CSMD2: variants seen among roughly 807,000 people sequenced by gnomAD.
The protein encoded by CSMD2 is CUB and Sushi multiple domains 2, also known as CUB and sushi domain-containing protein 2.
Under a neutral mutation model 398.5 loss-of-function variants are expected in CSMD2, and 130 were observed. The ratio of observed to expected loss-of-function variants is 0.33; its 90% CI spans 0.28 to 0.38. The LOEUF (loss-of-function observed/expected upper bound fraction) is 0.38, where lower values mean the gene tolerates loss of function less well. CSMD2 is among the 10% of genes least tolerant of loss of function. CSMD2 has a pLI of 1.00. For missense variants in CSMD2, 3,829 were observed against 4,764.9 expected, an observed-to-expected ratio of 0.80 and a Z score of 5.78; for synonymous variants, 1,828 against 1,908.5, an observed-to-expected ratio of 0.96 and a Z score of 1.10.
chr1:34,141,622 C>T (rs575610996), intron 1 of CSMD2, among the ~76,000 whole-genome samples: 13 of 152,072 alleles, frequency 8.5e-5, no homozygotes, highest in East Asian at 1.9e-4. Context: ...AGCCACTGGC[C>T]GGAGCAGAGT....
intron 10 of CSMD2, among the ~76,000 whole-genome samples, chr1:33,799,018 C>T (rs534662970): frequency 2.6e-5 from 4 of 152,300 alleles, no homozygotes; most frequent in African/African-American, 7.2e-5. Flanking sequence ...CAACACTTTC[C>T]TAACTGGGCT....
intron 5 of CSMD2, chr1:33,864,421 A>C (rs1639803448): frequency 2.5e-6 from 4 of 1,613,458 alleles, no homozygotes; most frequent in Non-Finnish European, 3.4e-6. Context: ...GAAATGATGA[A>C]TTATGTTGGC....
chr1:33,780,663 G>C (rs1652627898), intron 12 of CSMD2, among the ~76,000 whole-genome samples: 1 of 152,184 alleles, frequency 6.6e-6, no homozygotes, highest in African/African-American at 2.4e-5. Context: ...TTTTAATGCG[G>C]CAGCATCCTC....
At chr1:33,880,431 T>G (rs1641157148) in intron 5 of CSMD2, among the ~76,000 whole-genome samples, 1 of 152,244 alleles carries the variant, frequency 6.6e-6, no homozygotes, top group Non-Finnish European at 1.5e-5. Context: ...TAATCAGAGA[T>G]TAAGAGATCT....
chr1:34,008,822 C>T (rs1647147462), intron 3 of CSMD2, among the ~76,000 whole-genome samples: 1 of 152,298 alleles, frequency 6.6e-6, no homozygotes, highest in East Asian at 1.9e-4. Context: ...ACTATATTCC[C>T]AGTGCCTCTC....
chr1:33,829,528 C>A (rs1224133012), intron 6 of CSMD2, among the ~76,000 whole-genome samples: 2 of 152,150 alleles, frequency 1.3e-5, no homozygotes, highest in Non-Finnish European at 2.9e-5. Flanking sequence ...TCTGGAGGAG[C>A]CAAGGTGGCC....
At chr1:33,853,626 A>G (rs1638866764) in intron 5 of CSMD2, among the ~76,000 whole-genome samples, 1 of 149,854 alleles carries the variant, frequency 6.7e-6, no homozygotes, top group African/African-American at 2.5e-5. Flanking sequence ...AGCTGATAGG[A>G]GCAGAAGTGC....
At chr1:33,655,470 G>T (rs540202665) in intron 27 of CSMD2, among the ~76,000 whole-genome samples, 1 of 152,258 alleles carries the variant, frequency 6.6e-6, no homozygotes, top group East Asian at 1.9e-4. Flanking sequence ...TATTTTACTG[G>T]TGAGGAAATT....
chr1:33,989,052 A>G (rs1182864129), intron 3 of CSMD2, among the ~76,000 whole-genome samples: 1 of 60,826 alleles, frequency 1.6e-5, no homozygotes. Context: ...ATATATATAT[A>G]TATATATATA....
intron 2 of CSMD2, among the ~76,000 whole-genome samples, chr1:34,044,669 G>A (rs1168797264): frequency 6.6e-6 from 1 of 152,100 alleles, no homozygotes; most frequent in Admixed American, 6.6e-5. Context: ...CCACTTCCGA[G>A]GGTGATCTAT....
At chr1:33,918,372 T>C in intron 4 of CSMD2, 71 bp from the exon 5 acceptor site, 2 of 1,154,532 alleles carry the variant, frequency 1.7e-6, no homozygotes, top group African/African-American at 1.5e-5. Flanking sequence ...CCATGGGCTA[T>C]ACCTGCAATA....
rs1638784314 is a variant in CSMD2 at position 34,136,670 on chromosome 1, C to T, written c.187+28241G>A. ...CCTTTAATAAAATTATCCAGTTCAGCCTTTATTACCATTTTTTGTCCAGCC... is the reference window on the plus strand; with the variant it reads ...CCTTTAATAAAATTATCCAGTTCAGTCTTTATTACCATTTTTTGTCCAGCC... On this transcript the variant is annotated intron_variant, in intron 1 of 70. Transcript: ENST00000373381. Among the ~76,000 whole-genome samples the T allele has an allele frequency of 2.0e-5, 3 of 152,168 alleles. No individual in the cohort carries two copies. The South Asian group carries it at 6.2e-4, about 32-fold the overall frequency.
At position 33,571,696 on chromosome 1, in the gene CSMD2, C is replaced by A; in HGVS notation, c.7793G>T (p.Ser2598Ile). The A allele has an allele frequency of 1.3e-6, 2 of 1,537,114 alleles. No individual in the cohort carries two copies. The highest frequency in any genetic ancestry group is 8.9e-7 in the Non-Finnish European group (1 of 1,129,400). Residue 2598 changes from serine (S) to isoleucine (I), a missense_variant, in exon 51 of 71, where the codon AGC (serine) becomes ATC (isoleucine). Physicochemically the swap from Ser to Ile is moderately radical, Grantham distance 142. This residue lies in a region of CSMD2 where 723 missense variants were observed against 758.6 expected (regional missense o/e 0.95). Coordinates refer to ENST00000373381, the MANE Select transcript of CSMD2 (RefSeq NM_001281956.2). The stretch of plus-strand genomic sequence containing the variant: ...AAGCCTCCATCGGCCATGCTCCACG[C>A]TGATGCTACTGACATCAGGACAAGT... ...PVTCPDVSSISVEHGRWRLIF... is the reference protein window; with the variant it reads ...PVTCPDVSSIIVEHGRWRLIF...
chr1:33,763,898 C>G (rs1650155908), intron 13 of CSMD2, among the ~76,000 whole-genome samples: 1 of 152,134 alleles, frequency 6.6e-6, no homozygotes, highest in Admixed American at 6.5e-5. Context: ...CCTGCTAACC[C>G]TTCTTCAATA....
chr1:33,672,552 CA>C (rs1644542500), intron 25 of CSMD2, among the ~76,000 whole-genome samples: 1 of 152,220 alleles, frequency 6.6e-6, no homozygotes, highest in Non-Finnish European at 1.5e-5. Context: ...CACAGACAAT[CA>C]AAAGGCGGCA....
chr1:33,622,417 C>A (rs910567434), intron 36 of CSMD2, 146 bp from the exon 37 acceptor site: 5 of 638,452 alleles, frequency 7.8e-6, no homozygotes, highest in East Asian at 2.8e-5. Flanking sequence ...CACTAAATGA[C>A]AAATTAGCAC....
At chr1:33,674,030 G>A (rs1382800296) in intron 25 of CSMD2, among the ~76,000 whole-genome samples, 5 of 152,160 alleles carry the variant, frequency 3.3e-5, no homozygotes, top group Non-Finnish European at 1.5e-5. Context: ...GACCATCAAG[G>A]CTAGGAAGAA....
intron 2 of CSMD2, among the ~76,000 whole-genome samples, chr1:34,051,670 C>T (rs902851271): frequency 2.0e-5 from 3 of 152,094 alleles, no homozygotes; most frequent in Non-Finnish European, 4.4e-5. Flanking sequence ...TTTGTCTCCT[C>T]CTCTGGTGAG....
chr1:34,135,795 A>G (rs1414046505), intron 1 of CSMD2, among the ~76,000 whole-genome samples: 1 of 152,140 alleles, frequency 6.6e-6, no homozygotes, highest in Non-Finnish European at 1.5e-5. Flanking sequence ...TGATATATCT[A>G]CAATGATCCC....
Sources: allele counts gnomAD v4.1 joint callset (sites outside exome capture counted in the v4.1 genomes callset), GRCh38; gene constraint gnomAD v4.1.1; regional missense constraint gnomAD v4.1.1; transcripts MANE v1.5; gene names NCBI Gene and HGNC (gene_info 2026-07-23, HGNC 2026-07-21).